The following SLC38A12 variants were observed in gnomAD, a reference collection of about 807,000 sequenced individuals.
SLC38A12 encodes the protein solute carrier family 38 member 12, also known as putative sodium-coupled neutral amino acid transporter 12.
the SLC38A12 span, among the ~76,000 whole-genome samples, chr17:74,832,924 C>A: frequency 6.6e-6 from 1 of 152,224 alleles, no homozygotes; most frequent in Admixed American, 6.5e-5. Flanking sequence ...AAATGGGTGA[C>A]TAATCTAGGT....
At chr17:74,810,527 T>C in the SLC38A12 span, among the ~76,000 whole-genome samples, 1 of 152,202 alleles carries the variant, frequency 6.6e-6, no homozygotes, top group African/African-American at 2.4e-5. Context: ...CCTGTCCTCA[T>C]CTCTCACTCT....
the SLC38A12 span, chr17:74,777,517 C>G: frequency 6.5e-7 from 1 of 1,541,194 alleles, no homozygotes; most frequent in Non-Finnish European, 8.8e-7. Flanking sequence ...TTCCATGGGG[C>G]AGCGACTACA....
At chr17:74,837,095 C>G in the SLC38A12 span, 4 of 999,806 alleles carry the variant, frequency 4.0e-6, no homozygotes, top group Admixed American at 6.0e-5. Flanking sequence ...CTCTCCTGCC[C>G]CATCCTGCGT....
chr17:74,776,953 A>T, the SLC38A12 span, among the ~76,000 whole-genome samples: 2 of 152,168 alleles, frequency 1.3e-5, no homozygotes, highest in East Asian at 3.9e-4. Context: ...GAGCGTGGAA[A>T]GGGGGCTCTT....
chr17:74,793,392 G>A, the SLC38A12 span, among the ~76,000 whole-genome samples: 53 of 152,272 alleles, frequency 3.5e-4, no homozygotes, highest in Non-Finnish European at 6.2e-4. Flanking sequence ...GAAAACCTCC[G>A]CTGTGCTCCA....
the SLC38A12 span, among the ~76,000 whole-genome samples, chr17:74,803,364 ATTCCCC>A: frequency 2.1e-4 from 32 of 152,078 alleles, no homozygotes; most frequent in Non-Finnish European, 4.4e-4. Flanking sequence ...GTAACCAGCG[ATTCCCC>A]TTCCCCTCTC....
At chr17:74,806,198 C>T in the SLC38A12 span, among the ~76,000 whole-genome samples, 1 of 152,180 alleles carries the variant, frequency 6.6e-6, no homozygotes, top group Non-Finnish European at 1.5e-5. Context: ...CTCACGCTCT[C>T]TTGTTCTTAG....
the SLC38A12 span, chr17:74,788,988 C>T: frequency 1.2e-5 from 10 of 805,892 alleles, no homozygotes; most frequent in East Asian, 2.7e-4. Flanking sequence ...CACGGCACTG[C>T]TCCTGGACCC....
the SLC38A12 span, chr17:74,777,408 T>G: frequency 6.2e-7 from 1 of 1,613,960 alleles, no homozygotes; most frequent in Admixed American, 1.7e-5. Flanking sequence ...TTTGCTCACT[T>G]AAGTGTTCCT....
the SLC38A12 span, among the ~76,000 whole-genome samples, chr17:74,816,696 T>A: frequency 3.9e-5 from 6 of 152,122 alleles, no homozygotes; most frequent in Non-Finnish European, 8.8e-5. Flanking sequence ...TGTTTTTTTT[T>A]AGAAATGTGC....
the SLC38A12 span, among the ~76,000 whole-genome samples, chr17:74,794,158 C>G: frequency 4.6e-5 from 7 of 152,342 alleles, no homozygotes; most frequent in East Asian, 7.7e-4. Context: ...GCCTTTCTAG[C>G]TGGAATCATT....
chr17:74,795,478 C>A, the SLC38A12 span: 1 of 1,570,210 alleles, frequency 6.4e-7, no homozygotes, highest in Non-Finnish European at 8.7e-7. Context: ...CCAGCCCAGC[C>A]AGGCGGCCTC....
the SLC38A12 span, among the ~76,000 whole-genome samples, chr17:74,801,140 G>A: frequency 6.6e-6 from 1 of 152,190 alleles, no homozygotes; most frequent in Non-Finnish European, 1.5e-5. Context: ...GGGCTCACTG[G>A]GGTGACCCGG....
At chr17:74,787,697 A>G in the SLC38A12 span, among the ~76,000 whole-genome samples, 1 of 151,914 alleles carries the variant, frequency 6.6e-6, no homozygotes, top group Non-Finnish European at 1.5e-5. Context: ...AGATGGATTC[A>G]TACCTCAGGT....
At chr17:74,795,600 CT>C in the SLC38A12 span, 2 of 1,614,014 alleles carry the variant, frequency 1.2e-6, no homozygotes, top group Non-Finnish European at 8.5e-7. Context: ...CTGGGGGCCC[CT>C]GCGCCGAGTG....
At chr17:74,780,844 T>G in the SLC38A12 span, among the ~76,000 whole-genome samples, 2 of 152,228 alleles carry the variant, frequency 1.3e-5, no homozygotes, top group Non-Finnish European at 2.9e-5. Context: ...CAATTACCCA[T>G]TTCTGCTCCC....
the SLC38A12 span, among the ~76,000 whole-genome samples, chr17:74,789,560 AAG>A: frequency 1.3e-5 from 2 of 150,520 alleles, no homozygotes; most frequent in Admixed American, 6.6e-5. Flanking sequence ...AAAAAAAAAA[AAG>A]AGGCCGGGCA....
chr17:74,790,577 T>G, the SLC38A12 span, among the ~76,000 whole-genome samples: 1 of 151,998 alleles, frequency 6.6e-6, no homozygotes, highest in African/African-American at 2.4e-5. Flanking sequence ...ACTGAGATGA[T>G]TAAATGCCTG....
the SLC38A12 span, chr17:74,788,835 G>A: frequency 2.7e-5 from 44 of 1,613,388 alleles, no homozygotes; most frequent in African/African-American, 1.7e-4. Context: ...TGCAGCCAAC[G>A]CGCAGCTCCA....
Sources: gnomAD v4.1 joint callset for allele counts (sites outside exome capture counted in the v4.1 genomes callset) on GRCh38, gnomAD v4.1.1 for gene constraint, MANE v1.5 for transcripts, NCBI Gene and HGNC (gene_info 2026-07-23, HGNC 2026-07-21) for gene names.